Variants in RASAL2 observed in about 807,000 individuals in gnomAD.
The protein encoded by RASAL2 is RAS protein activator like 2.
Under a neutral mutation model 128.9 loss-of-function variants are expected in RASAL2, and 58 were observed. That is an observed-to-expected ratio of 0.45 (90% confidence interval 0.36 to 0.56). The LOEUF (loss-of-function observed/expected upper bound fraction) is 0.56, where lower values mean the gene tolerates loss of function less well. Ranked by LOEUF, RASAL2 falls within the 20% of genes least tolerant of loss-of-function variation. The pLI is 0.00. For synonymous variants in RASAL2, 561 were observed against 580.8 expected (o/e 0.97, Z 0.49); for missense variants, 1,360 against 1,601.6 (o/e 0.85, Z 2.57).
chr1:178,333,774 A>G (rs1414379492), intron 3 of RASAL2, among the ~76,000 whole-genome samples: 1 of 152,214 alleles, frequency 6.6e-6, no homozygotes. Context: ...TAAAAAACAA[A>G]TTATCTTTTC....
chr1:178,230,554 T>G (rs544109099), intron 1 of RASAL2, among the ~76,000 whole-genome samples: 1 of 152,286 alleles, frequency 6.6e-6, no homozygotes, highest in African/African-American at 2.4e-5. Context: ...ATGAGATTGT[T>G]ATCAGTGGTG....
intron 1 of RASAL2, among the ~76,000 whole-genome samples, chr1:178,235,599 C>CGT (rs149134252): frequency 0.023 from 3,395 of 150,060 alleles, 110 homozygotes; most frequent in African/African-American, 0.074. Context: ...GCTTCGTGTG[C>CGT]GTGTGTGTGT....
At chr1:178,275,058 T>C (rs1444993186) in intron 1 of RASAL2, among the ~76,000 whole-genome samples, 1 of 152,246 alleles carries the variant, frequency 6.6e-6, no homozygotes, top group Non-Finnish European at 1.5e-5. Context: ...TCTATTGGGA[T>C]TGAAGAACAG....
intron 1 of RASAL2, among the ~76,000 whole-genome samples, chr1:178,190,870 A>G (rs949102506): frequency 4.6e-5 from 7 of 152,186 alleles, no homozygotes; most frequent in Admixed American, 1.3e-4. Context: ...TCTTATTTTT[A>G]TAACAATTCA....
intron 3 of RASAL2, among the ~76,000 whole-genome samples, chr1:178,326,796 G>A (rs552877514): frequency 1.5e-3 from 227 of 152,142 alleles, no homozygotes; most frequent in African/African-American, 5.1e-3. Flanking sequence ...TGCCCGCCTC[G>A]GCCTCCCAAA....
intron 1 of RASAL2, among the ~76,000 whole-genome samples, chr1:178,278,746 T>C (rs927499273): frequency 6.6e-6 from 1 of 152,220 alleles, no homozygotes; most frequent in Non-Finnish European, 1.5e-5. Context: ...TATAAAATTT[T>C]TGAGGCACTT....
At chr1:178,097,308 T>A (rs1658728808) in intron 1 of RASAL2, among the ~76,000 whole-genome samples, 1 of 152,220 alleles carries the variant, frequency 6.6e-6, no homozygotes, top group Non-Finnish European at 1.5e-5. Context: ...CCCTTTTAGC[T>A]TTAAAGTTGT....
chr1:178,102,862 A>G (rs964253176), intron 1 of RASAL2, among the ~76,000 whole-genome samples: 5 of 152,202 alleles, frequency 3.3e-5, no homozygotes, highest in African/African-American at 7.2e-5. Flanking sequence ...ATTGTTATGT[A>G]TCTTTCCATA....
At chr1:178,217,721 T>G (rs918586247) in intron 1 of RASAL2, among the ~76,000 whole-genome samples, 2 of 152,212 alleles carry the variant, frequency 1.3e-5, no homozygotes, top group Admixed American at 6.5e-5. Context: ...TTGTAATCTT[T>G]TTGTTGAAGA....
intron 1 of RASAL2, among the ~76,000 whole-genome samples, chr1:178,172,778 A>C (rs1661746433): frequency 6.6e-6 from 1 of 152,108 alleles, no homozygotes; most frequent in South Asian, 2.1e-4. Flanking sequence ...CAGTATTTCC[A>C]AATGCAGATT....
chr1:178,136,801 A>G (rs953191669), intron 1 of RASAL2, among the ~76,000 whole-genome samples: 1 of 150,068 alleles, frequency 6.7e-6, no homozygotes, highest in African/African-American at 2.4e-5. Context: ...AAAAGATAAG[A>G]CAACCAGAAA....
chr1:178,155,181 G>C (rs959828103), intron 1 of RASAL2, among the ~76,000 whole-genome samples: 2 of 152,056 alleles, frequency 1.3e-5, no homozygotes, highest in Non-Finnish European at 2.9e-5. Context: ...ATAGTAGCAG[G>C]AAATAGGATT....
chr1:178,388,810 G>A (rs1672731461), intron 3 of RASAL2, among the ~76,000 whole-genome samples: 1 of 152,232 alleles, frequency 6.6e-6, no homozygotes, highest in Non-Finnish European at 1.5e-5. Context: ...TCTTGCTGCA[G>A]ATTAGTGTAA....
intron 1 of RASAL2, among the ~76,000 whole-genome samples, chr1:178,279,207 A>G (rs556093737): frequency 3.3e-5 from 5 of 152,284 alleles, no homozygotes; most frequent in South Asian, 4.1e-4. Context: ...CCTGTTATAT[A>G]TTATAGTTAC....
chr1:178,451,731 C>A lies in RASAL2; in HGVS notation c.1772+16C>A, dbSNP rs377057056. 1,109 of 1,606,888 alleles carry A rather than the reference C, an allele frequency of 6.9e-4. 14 individuals carry two copies. In the South Asian group the frequency reaches 0.012, roughly 17 times the overall value. On this transcript the variant is annotated intron_variant, in intron 10 of 17. Coordinates refer to ENST00000367649, the MANE Select transcript of RASAL2 (RefSeq NM_170692.4). ...ACTCTTACTGGTGAGCTTATCTTAT[C>A]CTCTGCCTTACATTTTTTCATGTAA...
intron 1 of RASAL2, among the ~76,000 whole-genome samples, chr1:178,272,289 G>A (rs984947089): frequency 6.6e-6 from 1 of 152,086 alleles, no homozygotes; most frequent in Non-Finnish European, 1.5e-5. Flanking sequence ...AAAAATCCCG[G>A]ACTATACGTC....
chr1:178,467,449 G>A, intron 17 of RASAL2, 28 bp downstream of exon 17: 1 of 1,584,354 alleles, frequency 6.3e-7, no homozygotes, highest in Non-Finnish European at 8.7e-7. Context: ...CTAATAGAAG[G>A]CACTTGTTTA....
At chr1:178,308,220 G>A (rs979629695) in intron 3 of RASAL2, among the ~76,000 whole-genome samples, 7 of 151,934 alleles carry the variant, frequency 4.6e-5, no homozygotes, top group Non-Finnish European at 7.4e-5. Flanking sequence ...GTATGCCTCC[G>A]ATATATTCTA....
intron 12 of RASAL2, 103 bp from the exon 13 acceptor site, chr1:178,456,618 C>A: frequency 8.0e-7 from 1 of 1,250,656 alleles, no homozygotes; most frequent in Non-Finnish European, 1.2e-6. Flanking sequence ...CCCTTCCCTC[C>A]AACCTACACC....
Sources: gnomAD v4.1 joint callset for allele counts (sites outside exome capture counted in the v4.1 genomes callset) on GRCh38, gnomAD v4.1.1 for gene constraint, MANE v1.5 for transcripts, NCBI Gene and HGNC (gene_info 2026-07-23, HGNC 2026-07-21) for gene names.